NAV2: variants seen among roughly 807,000 people sequenced by gnomAD.
The protein encoded by NAV2 is neuron navigator 2.
NAV2 carries 54 observed loss-of-function variants against 223.2 expected under a neutral mutation model. That is an observed-to-expected ratio of 0.24 (90% CI 0.19 to 0.30). The LOEUF (loss-of-function observed/expected upper bound fraction) is 0.30, where lower values mean the gene tolerates loss of function less well. Ranked by LOEUF, NAV2 falls within the 10% of genes least tolerant of loss-of-function variation. The pLI is 1.00. For synonymous variants in NAV2, 1,279 were observed against 1,239.3 expected (o/e 1.03, Z -0.67); for missense variants, 2,806 against 3,147.5 (o/e 0.89, Z 2.60).
chr11:19,718,818 C>T (rs1446345977), intron 1 of NAV2, among the ~76,000 whole-genome samples: 1 of 152,110 alleles, frequency 6.6e-6, no homozygotes, highest in African/African-American at 2.4e-5. Flanking sequence ...ATAAATACAT[C>T]TACTTCTGGA....
rs748652788 is a variant in NAV2, at chr11:19,713,147, G to T, written c.-549G>T. Among the ~76,000 whole-genome samples, 4 of 152,070 alleles carry T rather than the reference G, an allele frequency of 2.6e-5. No homozygotes were observed. Among genetic ancestry groups the T allele is most frequent in the East Asian group, 1.9e-4 (1 of 5,162 alleles). On this transcript the variant is annotated 5_prime_UTR_variant, in exon 1 of 38. Coordinates refer to ENST00000349880, the MANE Select transcript of NAV2 (RefSeq NM_145117.5). The surrounding 1 kb of genome is among the most constrained non-coding windows in gnomAD (Gnocchi z 7.2). ...GCGAGCAGGGTGGCAGCTGCCTCTC[G>T]GTGGAGACGTCTTGGGACCCTTGCG...
chr11:19,455,181 G>T (rs1851920045), intron 1 of NAV2, among the ~76,000 whole-genome samples: 1 of 152,192 alleles, frequency 6.6e-6, no homozygotes, highest in African/African-American at 2.4e-5. Context: ...AACTGCCATA[G>T]CGAGATTAGA....
chr11:19,605,442 T>C (rs2135280223), intron 1 of NAV2, among the ~76,000 whole-genome samples: 1 of 152,208 alleles, frequency 6.6e-6, no homozygotes, highest in South Asian at 2.1e-4. Context: ...CAAGCTTTAT[T>C]TCTATCTATT....
chr11:19,367,980 A>G (rs965337830), intron 1 of NAV2, among the ~76,000 whole-genome samples: 8 of 152,208 alleles, frequency 5.3e-5, no homozygotes, highest in South Asian at 2.1e-4. Flanking sequence ...ACTGTCTACA[A>G]CTTTATCACT....
At chr11:19,896,289 T>C (rs1181713916) in intron 6 of NAV2, among the ~76,000 whole-genome samples, 4 of 152,140 alleles carry the variant, frequency 2.6e-5, no homozygotes, top group Non-Finnish European at 5.9e-5. Flanking sequence ...TCTTGCAAAA[T>C]TGAAACTCGG....
Position 20,048,889 on chromosome 11 carries a change from T to C in NAV2, c.4064T>C (p.Leu1355Pro). Residue 1355 changes from leucine (L) to proline (P), a missense_variant, in exon 15 of 38, where the codon CTC (leucine) becomes CCC (proline). Leu to Pro is a moderately conservative substitution (Grantham distance 98). Coordinates refer to ENST00000349880, the MANE Select transcript of NAV2 (RefSeq NM_145117.5). ...GVLSSGSSSPLYSKNVDLNQS... is the reference protein window; with the variant it reads ...GVLSSGSSSPPYSKNVDLNQS... ...CTGAGCAGTGGGAGCAGCAGTCCTC[T>C]CTACAGCAAGAATGTGGACCTCAAC... 1.2e-6 allele frequency: 2 copies of C among 1,614,166 alleles called. No homozygotes were observed. Among genetic ancestry groups the C allele is most frequent in the Non-Finnish European group, 1.7e-6 (2 of 1,180,028 alleles).
chr11:19,422,077 T>C (rs1384832076), intron 1 of NAV2, among the ~76,000 whole-genome samples: 1 of 152,086 alleles, frequency 6.6e-6, no homozygotes, highest in Non-Finnish European at 1.5e-5. Context: ...TCTCCTACCC[T>C]AGAGAGAGGA....
intron 1 of NAV2, among the ~76,000 whole-genome samples, chr11:19,391,214 C>T (rs371014925): frequency 1.3e-5 from 2 of 152,206 alleles, no homozygotes; most frequent in Admixed American, 6.5e-5. Flanking sequence ...CTCCAAGGGG[C>T]ACCCCTTCCC....
Position 19,713,597 on chromosome 11 carries a change from T to A in NAV2, c.-99T>A. On this transcript the variant is annotated 5_prime_UTR_variant, in exon 1 of 38. Coordinates refer to ENST00000349880, the MANE Select transcript of NAV2 (RefSeq NM_145117.5). This position sits in a 1 kb window ranked among gnomAD's most constrained non-coding sequence, Gnocchi z 7.2. ...CGCTGGTGGTGGGCGCCTCGTGGGC[T>A]AAGGCCCGGCGCCTGCTCTGCTACC... 7.0e-7 allele frequency: 1 copy of A among 1,437,830 alleles called. No homozygotes were observed. The allele number at this position is 1,437,830 out of a possible 1,614,324, so 89.1% of individuals were successfully genotyped here. A position where few individuals can be genotyped will look rare whatever the true frequency, so the allele number is the denominator to read the frequency against.
At chr11:20,066,995 C>T (rs1338730479) in intron 20 of NAV2, among the ~76,000 whole-genome samples, 3 of 152,092 alleles carry the variant, frequency 2.0e-5, no homozygotes, top group Middle Eastern at 3.2e-3. Flanking sequence ...GCAGGCTCCC[C>T]AATTCATGTG....
At chr11:19,946,331 A>C in intron 8 of NAV2, 70 bp from the exon 9 acceptor site, 1 of 1,388,186 alleles carries the variant, frequency 7.2e-7, no homozygotes, top group Non-Finnish European at 9.9e-7. Context: ...GGTCATAGAC[A>C]TGGATGCTGC....
intron 1 of NAV2, among the ~76,000 whole-genome samples, chr11:19,690,452 A>G (rs1296698927): frequency 6.6e-6 from 1 of 152,300 alleles, no homozygotes; most frequent in East Asian, 1.9e-4. Context: ...TTCTTCATAT[A>G]TTAAAAAGTC....
chr11:20,023,217 G>A (rs2054672480), intron 11 of NAV2: 1 of 1,329,492 alleles, frequency 7.5e-7, no homozygotes. Context: ...GTATTGAAAA[G>A]CCTGGTGGAG....
intron 1 of NAV2, among the ~76,000 whole-genome samples, chr11:19,810,243 G>C (rs887333330): frequency 1.3e-5 from 2 of 152,118 alleles, no homozygotes; most frequent in Non-Finnish European, 2.9e-5. Context: ...TCTTTCAGTT[G>C]GCTCCTGTGT....
At chr11:20,095,875 T>C in intron 30 of NAV2, 108 bp downstream of exon 30, 1 of 777,802 alleles carries the variant, frequency 1.3e-6, no homozygotes, top group Non-Finnish European at 2.3e-6. Context: ...CTCAGACCTG[T>C]CCCCTTCCCT....
Position 20,077,629 on chromosome 11 carries a change from G to A in NAV2, c.5061G>A (p.Glu1687=). ...TCCAGAGTCTGACCATGACAGCTGAGCAGAAGGTAAGGCAGAAAGGATACT... is the reference window on the plus strand; with the variant it reads ...TCCAGAGTCTGACCATGACAGCTGAACAGAAGGTAAGGCAGAAAGGATACT... The part of the protein sequence containing the change: ...IRLQSLTMTA[E]QKDSELNELR... The change falls in exon 23 of 38, where the codon GAG becomes GAA. Residue 1687 remains glutamate (E), a synonymous_variant. Coordinates refer to ENST00000349880, the MANE Select transcript of NAV2 (RefSeq NM_145117.5). 1 of 1,613,672 alleles carries A rather than the reference G, an allele frequency of 6.2e-7. No homozygotes were observed. The highest frequency in any genetic ancestry group is 8.5e-7 in the Non-Finnish European group (1 of 1,179,532).
At chr11:19,627,314 A>G (rs1457118567) in intron 1 of NAV2, among the ~76,000 whole-genome samples, 1 of 152,052 alleles carries the variant, frequency 6.6e-6, no homozygotes, top group Non-Finnish European at 1.5e-5. Flanking sequence ...GCTTGAACCC[A>G]GGAGGCAGAG....
At chr11:19,789,033 A>G (rs2057341655) in intron 1 of NAV2, among the ~76,000 whole-genome samples, 1 of 152,168 alleles carries the variant, frequency 6.6e-6, no homozygotes, top group Non-Finnish European at 1.5e-5. Context: ...ATGCGGCCCC[A>G]CTGAGAGGCA....
chr11:19,902,552 C>T lies in NAV2; in HGVS notation c.931+9958C>T, dbSNP rs559435694. ...AAGATGAAAGATCTATTTGATTAGT[C>T]TTGTCTCAGGAATTGAAAATGACTA... On this transcript the variant is annotated intron_variant, in intron 6 of 37. Coordinates refer to ENST00000349880, the MANE Select transcript of NAV2 (RefSeq NM_145117.5). Among the ~76,000 whole-genome samples the T allele has an allele frequency of 6.8e-4, 104 of 152,236 alleles. 1 individual carries two copies. The highest frequency in any genetic ancestry group is 3.4e-3 in the Middle Eastern group (1 of 294).
Sources: allele counts gnomAD v4.1 joint callset (sites outside exome capture counted in the v4.1 genomes callset), GRCh38; gene constraint gnomAD v4.1.1; non-coding constraint Gnocchi (gnomAD v3.1); transcripts MANE v1.5; gene names NCBI Gene and HGNC (gene_info 2026-07-23, HGNC 2026-07-21).